Variants in GRIP1 observed in about 807,000 individuals in gnomAD.
GRIP1 encodes the protein glutamate receptor interacting protein 1, also known as glutamate receptor-interacting protein 1.
A neutral mutation model predicts 129.9 loss-of-function variants in GRIP1; 45 were observed. The observed-to-expected ratio is 0.35, with a 90% CI of 0.27 to 0.44. GRIP1 has a LOEUF of 0.44. Ranked by LOEUF, GRIP1 falls within the 20% of genes least tolerant of loss-of-function variation. The pLI is 1.00. For synonymous variants in GRIP1, 530 were observed against 520.8 expected (o/e 1.02, Z -0.24); for missense variants, 1,196 against 1,396.8 (o/e 0.86, Z 2.29).
chr12:66,414,557 C>T (rs983283325), intron 15 of GRIP1, among the ~76,000 whole-genome samples: 5 of 152,048 alleles, frequency 3.3e-5, no homozygotes, highest in African/African-American at 1.2e-4. Context: ...GCCCATTAAA[C>T]TACCATTGAC....
chr12:67,041,882 C>T (rs1345647858), intron 1 of GRIP1, among the ~76,000 whole-genome samples: 1 of 152,106 alleles, frequency 6.6e-6, no homozygotes, highest in Non-Finnish European at 1.5e-5. Context: ...ATGTTAGCCA[C>T]ATGATTATTC....
At chr12:66,586,220 T>A (rs1243444328) in intron 2 of GRIP1, among the ~76,000 whole-genome samples, 4 of 152,188 alleles carry the variant, frequency 2.6e-5, no homozygotes, top group Non-Finnish European at 5.9e-5. Flanking sequence ...AATCTATTTT[T>A]GTCAGGGTCA....
intron 1 of GRIP1, among the ~76,000 whole-genome samples, chr12:66,743,805 G>A (rs1265514742): frequency 2.0e-5 from 3 of 152,122 alleles, no homozygotes; most frequent in East Asian, 3.8e-4. Context: ...AGTTACCAGT[G>A]GATTGCCACA....
chr12:66,500,826 G>A (rs1388390529), intron 7 of GRIP1, among the ~76,000 whole-genome samples: 1 of 152,202 alleles, frequency 6.6e-6, no homozygotes, highest in Non-Finnish European at 1.5e-5. Context: ...AATGTCTTCA[G>A]GTAGTAAGAA....
At chr12:66,774,918 A>AG (rs1273755171) in intron 1 of GRIP1, among the ~76,000 whole-genome samples, 1 of 152,184 alleles carries the variant, frequency 6.6e-6, no homozygotes, top group Non-Finnish European at 1.5e-5. Flanking sequence ...ATTAACAAAG[A>AG]GGGGGAGGGG....
chr12:66,856,574 A>G (rs1318845717), intron 1 of GRIP1, among the ~76,000 whole-genome samples: 2 of 152,112 alleles, frequency 1.3e-5, no homozygotes, highest in Admixed American at 6.6e-5. Flanking sequence ...ATATGAACAG[A>G]CACTTCTCAA....
At chr12:66,459,008 T>C (rs569239486) in intron 9 of GRIP1, among the ~76,000 whole-genome samples, 32 of 152,384 alleles carry the variant, frequency 2.1e-4, no homozygotes, top group African/African-American at 6.5e-4. Flanking sequence ...ATGGTACTTA[T>C]TGCTGTCTGA....
At chr12:66,503,155 C>A (rs1243074867) in intron 7 of GRIP1, among the ~76,000 whole-genome samples, 1 of 152,148 alleles carries the variant, frequency 6.6e-6, no homozygotes, top group Non-Finnish European at 1.5e-5. Context: ...GGAGAGGCAA[C>A]TTCCCAAACA....
chr12:66,953,302 G>C (rs2041789396), intron 1 of GRIP1, among the ~76,000 whole-genome samples: 2 of 152,164 alleles, frequency 1.3e-5, no homozygotes, highest in Non-Finnish European at 2.9e-5. Context: ...GAGGTAAACA[G>C]CTGGAGAGGC....
chr12:66,731,393 G>A (rs543183661), intron 1 of GRIP1, among the ~76,000 whole-genome samples: 2 of 152,158 alleles, frequency 1.3e-5, no homozygotes, highest in South Asian at 2.1e-4. Flanking sequence ...TTAGTTTTAG[G>A]GACTGTGGGA....
intron 13 of GRIP1, among the ~76,000 whole-genome samples, chr12:66,433,301 T>G (rs558665373): frequency 6.6e-6 from 1 of 152,030 alleles, no homozygotes; most frequent in East Asian, 1.9e-4. Flanking sequence ...TCAAAAAGAC[T>G]AAAACAACCA....
intron 2 of GRIP1, among the ~76,000 whole-genome samples, chr12:66,553,460 A>G (rs929116795): frequency 6.6e-6 from 1 of 152,000 alleles, no homozygotes; most frequent in East Asian, 1.9e-4. Context: ...GACCTCAAGG[A>G]ATTTATATTC....
chr12:67,011,183 G>T (rs1030132065), intron 1 of GRIP1, among the ~76,000 whole-genome samples: 4 of 151,968 alleles, frequency 2.6e-5, no homozygotes, highest in African/African-American at 9.7e-5. Context: ...TATGAATCCT[G>T]CTTCTCCTCC....
chr12:66,475,816 T>C (rs987280016), intron 7 of GRIP1, among the ~76,000 whole-genome samples: 2 of 152,190 alleles, frequency 1.3e-5, no homozygotes, highest in Admixed American at 1.3e-4. Context: ...ATCTCTGGGA[T>C]GCATTTAAAG....
intron 1 of GRIP1, among the ~76,000 whole-genome samples, chr12:66,926,838 A>C (rs12581024): frequency 0.3 from 45,955 of 152,110 alleles, 7,052 homozygotes; most frequent in East Asian, 0.45. Flanking sequence ...ACAAAGCACT[A>C]ATAATATCAC....
At chr12:66,705,410 A>G (rs1478056247) in intron 1 of GRIP1, among the ~76,000 whole-genome samples, 1 of 152,172 alleles carries the variant, frequency 6.6e-6, no homozygotes, top group Non-Finnish European at 1.5e-5. Flanking sequence ...AAGAGAGGAC[A>G]CAAACAAATG....
At chr12:66,581,468 T>C (rs1452835807) in intron 2 of GRIP1, among the ~76,000 whole-genome samples, 3 of 147,360 alleles carry the variant, frequency 2.0e-5, no homozygotes, top group African/African-American at 7.5e-5. Context: ...ATCCAGGAGC[T>C]GGTTTTTTGA....
At chr12:66,876,835 G>T (rs1193527447) in intron 1 of GRIP1, among the ~76,000 whole-genome samples, 1 of 151,950 alleles carries the variant, frequency 6.6e-6, no homozygotes, top group Non-Finnish European at 1.5e-5. Flanking sequence ...TTCCATCAAA[G>T]GAAAAATTTT....
intron 19 of GRIP1, among the ~76,000 whole-genome samples, chr12:66,389,219 TG>T (rs1301666343): frequency 6.6e-6 from 1 of 152,120 alleles, no homozygotes; most frequent in African/African-American, 2.4e-5. Context: ...TTCTATGCCT[TG>T]CTTTTATTTT....
Sources: gnomAD v4.1 joint callset for allele counts (sites outside exome capture counted in the v4.1 genomes callset) on GRCh38, gnomAD v4.1.1 for gene constraint, MANE v1.5 for transcripts, NCBI Gene and HGNC (gene_info 2026-07-23, HGNC 2026-07-21) for gene names.